Variants in KMT2C observed in about 807,000 individuals in gnomAD.
KMT2C encodes histone-lysine N-methyltransferase 2C.
Under a neutral mutation model 507.9 loss-of-function variants are expected in KMT2C, and 88 were observed. The ratio of observed to expected loss-of-function variants is 0.17; its 90% CI spans 0.15 to 0.21. The LOEUF (loss-of-function observed/expected upper bound fraction) is 0.21, where lower values mean the gene tolerates loss of function less well. Among genes scored for constraint, KMT2C ranks in the 10% least tolerant of loss-of-function variants. KMT2C has a pLI of 1.00. For missense variants in KMT2C, 4,954 were observed against 5,957.8 expected, an observed-to-expected ratio of 0.83 and a Z score of 5.55; for synonymous variants, 2,049 against 2,080.8, an observed-to-expected ratio of 0.98 and a Z score of 0.42.
chr7:152,315,065 T>C, intron 4 of KMT2C, 73 bp downstream of exon 4: 1 of 1,310,346 alleles, frequency 7.6e-7, no homozygotes, highest in Non-Finnish European at 1.1e-6. Context: ...TTTGAAAATT[T>C]ATAAACATTA....
chr7:152,305,031 T>C (rs752167138), intron 6 of KMT2C, among the ~76,000 whole-genome samples: 5 of 152,226 alleles, frequency 3.3e-5, no homozygotes, highest in Non-Finnish European at 7.3e-5. Flanking sequence ...ATTAGCCATA[T>C]TGATAACCTC....
rs983663512 is a variant in KMT2C, at chr7:152,136,578, G to C, written c.*254C>G. The C allele has an allele frequency of 1.3e-5, 5 of 383,808 alleles. No individual in the cohort carries two copies. The highest frequency in any genetic ancestry group is 8.4e-5 in the African/African-American group (4 of 47,842). 23.8% of individuals were successfully genotyped at this position (383,808 alleles called of 1,614,324 possible). A position where few individuals can be genotyped will look rare whatever the true frequency, so the allele number is the denominator to read the frequency against. Reference sequence around the variant, plus strand: ...AAACAAAAAAAAAAGAAAAGGAAAAGAAAAAAAAGCAAAAGTGCTGGACCA... The same window carrying C: ...AAACAAAAAAAAAAGAAAAGGAAAACAAAAAAAAGCAAAAGTGCTGGACCA... On this transcript the variant is annotated 3_prime_UTR_variant, in exon 59 of 59. Transcript: ENST00000262189.
At chr7:152,251,296 T>A (rs906426537) in intron 11 of KMT2C, among the ~76,000 whole-genome samples, 3 of 152,140 alleles carry the variant, frequency 2.0e-5, no homozygotes, top group Non-Finnish European at 4.4e-5. Flanking sequence ...CAATTTTTTT[T>A]AAAAGGTAAC....
chr7:152,334,037 A>C (rs2096908899), intron 2 of KMT2C, among the ~76,000 whole-genome samples: 1 of 152,242 alleles, frequency 6.6e-6, no homozygotes, highest in Non-Finnish European at 1.5e-5. Context: ...CCTCATGAAC[A>C]AAATGAATGT....
chr7:152,410,555 G>T (rs1398535979), intron 1 of KMT2C, among the ~76,000 whole-genome samples: 1 of 151,952 alleles, frequency 6.6e-6, no homozygotes, highest in Non-Finnish European at 1.5e-5. Context: ...TCCAGCCTGG[G>T]CGACAGAGCA....
intron 37 of KMT2C, among the ~76,000 whole-genome samples, chr7:152,179,589 C>T (rs1452400854): frequency 1.4e-5 from 2 of 145,082 alleles, no homozygotes; most frequent in Non-Finnish European, 3.0e-5. Context: ...AAAGCAGTAA[C>T]AGCTTCCTGA....
At chr7:152,372,420 T>C (rs1046333498) in intron 1 of KMT2C, among the ~76,000 whole-genome samples, 1 of 152,134 alleles carries the variant, frequency 6.6e-6, no homozygotes, top group Non-Finnish European at 1.5e-5. Flanking sequence ...CCTCCCAAAG[T>C]GCTAGGAATA....
rs377602852 is a variant in KMT2C, at chr7:152,136,935, C to T, written c.14644-11G>A. 26 of 1,604,244 alleles carry T rather than the reference C, an allele frequency of 1.6e-5. No homozygotes were observed. Among genetic ancestry groups the T allele is most frequent in the Non-Finnish European group, 2.2e-5 (26 of 1,173,798 alleles). ...ATAGTCATAGCAGAGCTGCCCACGGCAAAGACACAGGGTAAGAAAGGACAG... is the reference window on the plus strand; with the variant it reads ...ATAGTCATAGCAGAGCTGCCCACGGTAAAGACACAGGGTAAGAAAGGACAG... On this transcript the variant is annotated splice_polypyrimidine_tract_variant and intron_variant, in intron 58 of 58. Coordinates refer to ENST00000262189, the MANE Select transcript of KMT2C (RefSeq NM_170606.3).
intron 18 of KMT2C, among the ~76,000 whole-genome samples, chr7:152,226,754 TG>T (rs1563481631): frequency 6.6e-6 from 1 of 152,164 alleles, no homozygotes; most frequent in African/African-American, 2.4e-5. Flanking sequence ...GAGGGCCATA[TG>T]ATCTGTTGCA....
intron 1 of KMT2C, among the ~76,000 whole-genome samples, chr7:152,363,305 T>C (rs923346449): frequency 6.6e-6 from 1 of 152,226 alleles, no homozygotes; most frequent in Non-Finnish European, 1.5e-5. Flanking sequence ...TGTTCTTCAC[T>C]TCACTTTATT....
At chr7:152,330,398 G>A (rs1418432829) in intron 3 of KMT2C, among the ~76,000 whole-genome samples, 1 of 152,032 alleles carries the variant, frequency 6.6e-6, no homozygotes, top group African/African-American at 2.4e-5. Context: ...GTAGTGTGCT[G>A]CCCTGCTCTA....
chr7:152,162,770 T>C lies in KMT2C; in HGVS notation c.10807A>G (p.Lys3603Glu), dbSNP rs1476246735. Residue 3603 changes from lysine (K) to glutamate (E), a missense_variant, in exon 43 of 59, where the codon AAA becomes GAA. Lys to Glu is a moderately conservative substitution (Grantham distance 56, BLOSUM62 1). Transcript: ENST00000262189. Reference protein sequence around the residue: ...YSDIIPEEKGKKKRTRKKKRD... With the variant: ...YSDIIPEEKGEKKRTRKKKRD... ...TTCTTCTTTCTTGTTCTTTTCTTTT[T>C]CCCTTTTTCCTCTGGGATTATATCA... 5 of 1,614,082 alleles carry C rather than the reference T, an allele frequency of 3.1e-6. No individual in the cohort carries two copies. The African/African-American group carries it at 4.0e-5, about 13-fold the overall frequency.
rs2097264129 is a variant in KMT2C, at chr7:152,368,361, AC to A, written c.162-9687del. The A allele has an allele frequency of 2.6e-6, 3 of 1,132,700 alleles. No homozygotes were observed. The Admixed American group carries it at 5.9e-5, about 22-fold the overall frequency. 70.2% of individuals were successfully genotyped at this position (1,132,700 alleles called of 1,614,324 possible). A position where few individuals can be genotyped will look rare whatever the true frequency, so the allele number is the denominator to read the frequency against. Reference sequence around the variant, plus strand: ...GGCAGCTGACTAAGAGCCCTCTGGCACAAATGGAAGAAGAAAGAAGGGAGTA... The same window carrying A: ...GGCAGCTGACTAAGAGCCCTCTGGCAAAATGGAAGAAGAAAGAAGGGAGTA... On this transcript the variant is annotated intron_variant, in intron 1 of 58. Coordinates refer to ENST00000262189, the MANE Select transcript of KMT2C (RefSeq NM_170606.3).
In KMT2C at chr7:152,311,809, A is replaced by T. The variant is rs1363336577; in HGVS notation, c.728T>A (p.Phe243Tyr). 1 of 1,608,326 alleles carries T rather than the reference A, an allele frequency of 6.2e-7. No homozygotes were observed. ...LPDAIDIQAL[F>Y]DSTGTCWAHH... ...AAACATGCCCATACCTGTAGAATCAAATAAGGCTTGGATATCAATGGCATC... is the reference window on the plus strand; with the variant it reads ...AAACATGCCCATACCTGTAGAATCATATAAGGCTTGGATATCAATGGCATC... The change falls in exon 5 of 59, where the codon TTT becomes TAT. Residue 243 changes from phenylalanine (F) to tyrosine (Y), a missense_variant. Transcript: ENST00000262189.
intron 44 of KMT2C, among the ~76,000 whole-genome samples, chr7:152,156,884 G>A (rs1411136452): frequency 6.6e-6 from 1 of 151,964 alleles, no homozygotes; most frequent in Non-Finnish European, 1.5e-5. Flanking sequence ...AATCATTAAT[G>A]TAGTTCCTCT....
At chr7:152,182,690 T>C in intron 35 of KMT2C, 96 bp from the exon 36 acceptor site, 1 of 1,107,996 alleles carries the variant, frequency 9.0e-7, no homozygotes, top group Non-Finnish European at 1.3e-6. Context: ...ATTTGTTTGA[T>C]GTCAGCGCTA....
In KMT2C at chr7:152,394,719, G is replaced by C. The variant is rs182333994; in HGVS notation, c.162-36044C>G. ...ACTAAAATATAAGCCCGTGAAGGAAGGCAATGAACTTTGTTTTGCTCACTG... is the reference window on the plus strand; with the variant it reads ...ACTAAAATATAAGCCCGTGAAGGAACGCAATGAACTTTGTTTTGCTCACTG... On this transcript the variant is annotated intron_variant, in intron 1 of 58. Transcript: ENST00000262189. Among the ~76,000 whole-genome samples the C allele has an allele frequency of 2.6e-5, 4 of 152,268 alleles. No homozygotes were observed. The East Asian group carries it at 7.7e-4, about 29-fold the overall frequency.
intron 2 of KMT2C, among the ~76,000 whole-genome samples, chr7:152,352,244 C>G (rs753955433): frequency 6.6e-6 from 1 of 150,824 alleles, no homozygotes. Context: ...AGGATATCCC[C>G]GCCTAATAAA....
chr7:152,255,056 T>A (rs578262734), intron 9 of KMT2C, among the ~76,000 whole-genome samples: 141 of 145,972 alleles, frequency 9.7e-4, no homozygotes, highest in African/African-American at 3.0e-3. Context: ...TGTAAAGACA[T>A]CCCTTGTTCT....
Sources: allele counts gnomAD v4.1 joint callset (sites outside exome capture counted in the v4.1 genomes callset), GRCh38; gene constraint gnomAD v4.1.1; transcripts MANE v1.5; gene names NCBI Gene and HGNC (gene_info 2026-07-23, HGNC 2026-07-21).